AP3S1: variants seen among roughly 807,000 people sequenced by gnomAD.
AP3S1 encodes adaptor related protein complex 3 subunit sigma 1.
In AP3S1, 12 loss-of-function variants were observed where a neutral mutation model predicts 21.3. That is an observed-to-expected ratio of 0.56 (90% CI 0.36 to 0.91). The LOEUF (loss-of-function observed/expected upper bound fraction) is 0.91, where lower values mean the gene tolerates loss of function less well. AP3S1 is among the 40% of genes least tolerant of loss of function. The pLI, the probability that AP3S1 is intolerant of heterozygous loss-of-function variation, is 0.01. For missense variants in AP3S1, 116 were observed against 225.0 expected, an observed-to-expected ratio of 0.52 and a Z score of 3.10; for synonymous variants, 48 against 78.4, an observed-to-expected ratio of 0.61 and a Z score of 2.05.
rs140950651 is a variant in AP3S1, at chr5:115,904,928, A to G, written c.453+1936A>G. Among the ~76,000 whole-genome samples, 610 of 152,270 alleles carry G rather than the reference A, an allele frequency of 4.0e-3. 1 individual carries two copies. Among genetic ancestry groups the G allele is most frequent in the African/African-American group, 0.014 (582 of 41,554 alleles). On this transcript the variant is annotated intron_variant, in intron 5 of 5. Transcript: ENST00000316788. ...TGTGAATTCTGCATAATCATCTGTA[A>G]AAAATATTGACCAGTTGTCTGGAAT...
At chr5:115,857,226 C>A (rs1762864136) in intron 1 of AP3S1, among the ~76,000 whole-genome samples, 1 of 152,158 alleles carries the variant, frequency 6.6e-6, no homozygotes, top group South Asian at 2.1e-4. Flanking sequence ...AATTGTAGAG[C>A]TGACTTTTCA....
At chr5:115,888,644 A>G (rs944605587) in intron 3 of AP3S1, among the ~76,000 whole-genome samples, 7 of 151,954 alleles carry the variant, frequency 4.6e-5, no homozygotes, top group African/African-American at 1.7e-4. Context: ...TTTACATGTG[A>G]TATTGTTCTG....
intron 1 of AP3S1, 67 bp from the exon 2 acceptor site, chr5:115,866,603 A>T: frequency 8.9e-7 from 1 of 1,121,316 alleles, no homozygotes; most frequent in Non-Finnish European, 1.2e-6. Context: ...CTTTGATTTT[A>T]AAAATTCTTA....
At chr5:115,875,017 G>A (rs554549705) in intron 3 of AP3S1, among the ~76,000 whole-genome samples, 4 of 152,228 alleles carry the variant, frequency 2.6e-5, no homozygotes, top group African/African-American at 9.6e-5. Flanking sequence ...GATATTTCAT[G>A]TGAAACCCAT....
At chr5:115,874,199 G>A (rs2112851141) in intron 3 of AP3S1, among the ~76,000 whole-genome samples, 1 of 152,108 alleles carries the variant, frequency 6.6e-6, no homozygotes, top group African/African-American at 2.4e-5. Context: ...GAAAAAAGGG[G>A]TGGACTTTTT....
rs1382165569 is a variant in AP3S1 at position 115,868,922 on chromosome 5, AAGGG to A, written c.162-1081_162-1078del. On this transcript the variant is annotated intron_variant, in intron 2 of 5. Coordinates refer to ENST00000316788, the MANE Select transcript of AP3S1 (RefSeq NM_001284.4). ...GAGAGAGACAGAGAAAGAGAGGATGAAGGGAGGGAGGGAGGGAAGGAAGGAAGGA... is the reference window on the plus strand; with the variant it reads ...GAGAGAGACAGAGAAAGAGAGGATGAAGGGAGGGAGGGAAGGAAGGAAGGA... Among the ~76,000 whole-genome samples, 49 of 100,584 alleles carry A rather than the reference AAGGG, an allele frequency of 4.9e-4. No individual in the cohort carries two copies. The East Asian group carries it at 7.8e-3, about 16-fold the overall frequency. The allele number at this position is 100,584 out of a possible 152,430, so 66.0% of individuals were successfully genotyped here. A position where few individuals can be genotyped will look rare whatever the true frequency, so the allele number is the denominator to read the frequency against.
intron 1 of AP3S1, among the ~76,000 whole-genome samples, chr5:115,857,401 C>T (rs1273479867): frequency 6.6e-6 from 1 of 152,150 alleles, no homozygotes; most frequent in Non-Finnish European, 1.5e-5. Context: ...CTCCATGCTA[C>T]AAATGAGGAA....
rs144116047 is a variant in AP3S1, at chr5:115,870,840, C to A, written c.273+712C>A. Among the ~76,000 whole-genome samples the A allele has an allele frequency of 2.9e-3, 435 of 152,262 alleles. 2 individuals are homozygous for A. The highest frequency in any genetic ancestry group is 9.9e-3 in the African/African-American group (413 of 41,556). The stretch of plus-strand genomic sequence containing the variant: ...ACTTGCAAACTAAGAAGTTAACCTG[C>A]CATAATTTCATGGATGCTGGCAGAA... On this transcript the variant is annotated intron_variant, in intron 3 of 5. Transcript: ENST00000316788.
intron 1 of AP3S1, among the ~76,000 whole-genome samples, chr5:115,857,590 G>C (rs1762888808): frequency 6.6e-6 from 1 of 152,100 alleles, no homozygotes; most frequent in African/African-American, 2.4e-5. Context: ...GTTTCATAAG[G>C]TTTGTTATGA....
rs545965921 is a variant in AP3S1, at chr5:115,895,184, G to A, written c.345+26G>A. On this transcript the variant is annotated intron_variant, in intron 4 of 5. Transcript: ENST00000316788. ...GTACTATTTGTATTGTCACATCTAA[G>A]CTTTTTAAGAAAAACATTAACTTAT... is the stretch of plus-strand genomic sequence containing the variant. 180 of 1,490,094 alleles carry A rather than the reference G, an allele frequency of 1.2e-4. 1 individual carries two copies. In the South Asian group the frequency reaches 1.8e-3, roughly 15 times the overall value. The allele number at this position is 1,490,094 out of a possible 1,614,324, so 92.3% of individuals were successfully genotyped here. A position where few individuals can be genotyped will look rare whatever the true frequency, so the allele number is the denominator to read the frequency against.
chr5:115,866,423 G>A (rs1328919827), intron 1 of AP3S1, among the ~76,000 whole-genome samples: 1 of 151,772 alleles, frequency 6.6e-6, no homozygotes, highest in Non-Finnish European at 1.5e-5. Flanking sequence ...TTTCTTGTTG[G>A]TTTTTGAAAC....
chr5:115,862,194 T>C (rs1394580010), intron 1 of AP3S1, among the ~76,000 whole-genome samples: 1 of 152,204 alleles, frequency 6.6e-6, no homozygotes, highest in Admixed American at 6.5e-5. Context: ...TAAGAGATTT[T>C]TTTTATGTAC....
rs544419503 is a variant in AP3S1, at chr5:115,861,437, AT to A, written c.70-5232del. 2.4e-3 allele frequency among the ~76,000 whole-genome samples: 366 copies of A among 152,302 alleles called. 2 individuals carry two copies. The highest frequency in any genetic ancestry group is 8.3e-3 in the African/African-American group (343 of 41,558). ...TATTTAGGTCAGATAAAAACTAGAG[AT>A]CTTTAAGAAAGGAAGTAACACGGCT... is the stretch of plus-strand genomic sequence containing the variant. On this transcript the variant is annotated intron_variant, in intron 1 of 5. Transcript: ENST00000316788.
chr5:115,851,429 A>G (rs539312594), intron 1 of AP3S1, among the ~76,000 whole-genome samples: 166 of 152,218 alleles, frequency 1.1e-3, no homozygotes, highest in Middle Eastern at 3.4e-3. Context: ...TGGCTGTACC[A>G]TTTTACATTC....
At chr5:115,897,977 G>A (rs962159366) in intron 4 of AP3S1, among the ~76,000 whole-genome samples, 9 of 152,144 alleles carry the variant, frequency 5.9e-5, no homozygotes, top group Admixed American at 2.0e-4. Context: ...TATCCCTTTT[G>A]TTATCAGTCA....
At chr5:115,857,183 A>G (rs1762860232) in intron 1 of AP3S1, among the ~76,000 whole-genome samples, 1 of 152,250 alleles carries the variant, frequency 6.6e-6, no homozygotes, top group African/African-American at 2.4e-5. Flanking sequence ...ATTCCTTAAA[A>G]GAAAACTTCC....
chr5:115,855,399 G>T (rs964158267), intron 1 of AP3S1, among the ~76,000 whole-genome samples: 37 of 151,856 alleles, frequency 2.4e-4, no homozygotes, highest in African/African-American at 8.0e-4. Flanking sequence ...GAGTCCGGTG[G>T]TATATCACGG....
At chr5:115,877,346 C>T (rs1397371288) in intron 3 of AP3S1, among the ~76,000 whole-genome samples, 3 of 152,128 alleles carry the variant, frequency 2.0e-5, no homozygotes, top group Admixed American at 2.0e-4. Context: ...TGCTATCCCT[C>T]CCCTAGCCCT....
At chr5:115,874,330 A>C (rs1320656151) in intron 3 of AP3S1, among the ~76,000 whole-genome samples, 1 of 152,122 alleles carries the variant, frequency 6.6e-6, no homozygotes, top group Non-Finnish European at 1.5e-5. Flanking sequence ...TGGAAGTGTT[A>C]AAATATTTAC....
Sources: allele counts gnomAD v4.1 joint callset (sites outside exome capture counted in the v4.1 genomes callset), GRCh38; gene constraint gnomAD v4.1.1; transcripts MANE v1.5; gene names NCBI Gene and HGNC (gene_info 2026-07-23, HGNC 2026-07-21).